The following NBPF8 variants were observed in gnomAD, a reference collection of about 807,000 sequenced individuals.
NBPF8 encodes NBPF family member NBPF8.
intron 3 of NBPF8, among the ~76,000 whole-genome samples, chr1:120,430,886 G>C (rs1342116272): frequency 6.6e-6 from 1 of 151,444 alleles, no homozygotes; most frequent in East Asian, 1.9e-4. Context: ...TCATGGATCA[G>C]AAGAGTTGTT....
rs1165472355 is a variant in NBPF8 at position 120,455,199 on chromosome 1, T to C, written n.2569-210T>C. 4.1e-3 allele frequency among the ~76,000 whole-genome samples: 624 copies of C among 151,884 alleles called. 2 individuals carry two copies. The highest frequency in any genetic ancestry group is 4.8e-3 in the Non-Finnish European group (324 of 67,884). On this transcript the variant is annotated intron_variant and non_coding_transcript_variant, in intron 15 of 24. Coordinates refer to ENST00000583271, the Ensembl canonical transcript of NBPF8. ...AGGGAATATGGCATTATGGTCTACATGTAGAGGGAGATTTTGGCCTGTGGG... is the reference window on the plus strand; with the variant it reads ...AGGGAATATGGCATTATGGTCTACACGTAGAGGGAGATTTTGGCCTGTGGG...
intron 3 of NBPF8, among the ~76,000 whole-genome samples, chr1:120,428,612 C>A (rs1297175697): frequency 6.6e-6 from 1 of 152,196 alleles, no homozygotes; most frequent in Admixed American, 6.5e-5. Context: ...ATGGCTGAGG[C>A]TTGTGGGCTA....
At chr1:120,450,153 G>A (rs1476835129) in intron 11 of NBPF8, among the ~76,000 whole-genome samples, 27 of 152,234 alleles carry the variant, frequency 1.8e-4, no homozygotes, top group Middle Eastern at 3.4e-3. Context: ...TTTGAACCCA[G>A]GAGGCTGAGG....
chr1:120,433,477 G>GA (rs1379165377), upstream of NBPF8: 1 of 152,926 alleles, frequency 6.5e-6, no homozygotes, highest in African/African-American at 2.4e-5. Context: ...CCACACACAG[G>GA]AGGGGTATGG....
downstream of NBPF8, among the ~76,000 whole-genome samples, chr1:120,468,133 ACAGT>A (rs1296275848): frequency 1.3e-5 from 2 of 150,920 alleles, no homozygotes; most frequent in East Asian, 2.0e-4. Context: ...TTTCCATACA[ACAGT>A]CAATTACATG....
chr1:120,433,113 A>G (rs1660930995), upstream of NBPF8: 1 of 152,298 alleles, frequency 6.6e-6, no homozygotes, highest in South Asian at 2.1e-4. Flanking sequence ...TGCTTGGAAG[A>G]CTCAATTTTG....
chr1:120,452,577 G>T (rs322068), intron 13 of NBPF8, among the ~76,000 whole-genome samples: 6 of 151,256 alleles, frequency 4.0e-5, no homozygotes, highest in Admixed American at 6.6e-5. Context: ...GGCAGCATCT[G>T]TCTAGTTTTA....
intron 12 of NBPF8, 61 bp from the exon 11 acceptor site, chr1:120,452,056 A>G (rs1253254525): frequency 9.1e-6 from 13 of 1,421,598 alleles, no homozygotes; most frequent in Admixed American, 8.4e-5. Context: ...CTCTGTTGCA[A>G]TATTTGAGCG....
At chr1:120,454,083 T>C in exon 15 of NBPF8, 1 of 1,613,210 alleles carries the variant, frequency 6.2e-7, no homozygotes, top group Non-Finnish European at 8.5e-7. Context: ...CCTCTCATGT[T>C]GAATGGGAGG....
At chr1:120,421,407 C>T (rs2101458537) in intron 1 of NBPF8, among the ~76,000 whole-genome samples, 1 of 150,696 alleles carries the variant, frequency 6.6e-6, no homozygotes, top group South Asian at 2.1e-4. Context: ...CACTCTTTTT[C>T]TCTCTCTCTT....
At chr1:120,450,183 T>C (rs1365685511) in intron 11 of NBPF8, among the ~76,000 whole-genome samples, 11 of 152,190 alleles carry the variant, frequency 7.2e-5, no homozygotes, top group Middle Eastern at 3.4e-3. Flanking sequence ...GCCAAGGTTT[T>C]GCCATTGCAC....
intron 12 of NBPF8, among the ~76,000 whole-genome samples, chr1:120,451,705 C>T (rs1553248837): frequency 4.0e-5 from 6 of 148,698 alleles, no homozygotes; most frequent in African/African-American, 1.3e-4. Context: ...TTTCTTCTTT[C>T]GTCTTTTCAA....
At chr1:120,452,163 T>C (rs1570939080) in exon 13 of NBPF8, 2 of 1,603,414 alleles carry the variant, frequency 1.2e-6, no homozygotes, top group East Asian at 4.5e-5. Flanking sequence ...GCTGACCCAG[T>C]TAAGGGAGAA....
upstream of NBPF8, among the ~76,000 whole-genome samples, chr1:120,419,517 A>G (rs1698690): frequency 0.088 from 13,415 of 152,052 alleles, 1,987 homozygotes; most frequent in African/African-American, 0.31. Flanking sequence ...GCTGGAGTTC[A>G]GTGGTGCCAT....
At chr1:120,434,517 C>T (rs1159409389), upstream of NBPF8, among the ~76,000 whole-genome samples, 5 of 149,022 alleles carry the variant, frequency 3.4e-5, no homozygotes, top group African/African-American at 1.2e-4. Flanking sequence ...AGCCCTCACC[C>T]CATGACAGGC....
chr1:120,434,119 T>A (rs1205950438), upstream of NBPF8: 1 of 152,746 alleles, frequency 6.5e-6, no homozygotes, highest in Non-Finnish European at 1.5e-5. Context: ...TGGGGCCGCC[T>A]GGGCTGGCGG....
upstream of NBPF8, among the ~76,000 whole-genome samples, chr1:120,416,859 G>C (rs1240135543): frequency 6.7e-6 from 1 of 149,924 alleles, no homozygotes; most frequent in Non-Finnish European, 1.5e-5. Flanking sequence ...AAATTATTTT[G>C]CCATTCTAGT....
At chr1:120,465,395 C>G in intron 24 of NBPF8, 24 bp downstream of exon 22, 1 of 594,062 alleles carries the variant, frequency 1.7e-6, no homozygotes. Context: ...ATTGTGGATG[C>G]TTAATTCTGT....
chr1:120,419,602 G>A (rs1396071048), upstream of NBPF8, among the ~76,000 whole-genome samples: 2 of 152,032 alleles, frequency 1.3e-5, no homozygotes, highest in East Asian at 3.9e-4. Flanking sequence ...GAGACTACAA[G>A]TGTGTGCCAC....
Sources: gnomAD v4.1 joint callset for allele counts (sites outside exome capture counted in the v4.1 genomes callset) on GRCh38, gnomAD v4.1.1 for gene constraint, MANE v1.5 for transcripts, NCBI Gene and HGNC (gene_info 2026-07-23, HGNC 2026-07-21) for gene names.